Variants in DENND1A observed in about 807,000 individuals in gnomAD.
DENND1A encodes DENN domain-containing protein 1A.
DENND1A carries 51 observed loss-of-function variants against 113.7 expected under a neutral mutation model. That is an observed-to-expected ratio of 0.45 (90% CI 0.36 to 0.57). The LOEUF is 0.57. Ranked by LOEUF, DENND1A falls within the 20% of genes least tolerant of loss-of-function variation. The pLI is 0.00. For missense variants in DENND1A, 1,258 were observed against 1,395.9 expected (o/e 0.90, Z 1.57); for synonymous variants, 565 against 570.8 (o/e 0.99, Z 0.14).
At chr9:123,749,138 G>C (rs1260001648) in intron 5 of DENND1A, among the ~76,000 whole-genome samples, 1 of 152,146 alleles carries the variant, frequency 6.6e-6, no homozygotes, top group Non-Finnish European at 1.5e-5. Context: ...CAAAACCCTG[G>C]GTTGGAGGTC....
At chr9:123,584,738 C>T (rs2059080404) in intron 11 of DENND1A, among the ~76,000 whole-genome samples, 1 of 152,164 alleles carries the variant, frequency 6.6e-6, no homozygotes, top group African/African-American at 2.4e-5. Flanking sequence ...GGCCTGGCTG[C>T]CTCCCCAGGC....
chr9:123,734,132 G>A (rs1002720010), intron 5 of DENND1A, among the ~76,000 whole-genome samples: 4 of 152,058 alleles, frequency 2.6e-5, no homozygotes, highest in Admixed American at 2.0e-4. Context: ...CCAAGCCCAG[G>A]TAACATTTTT....
intron 19 of DENND1A, among the ~76,000 whole-genome samples, chr9:123,435,925 A>C (rs997002496): frequency 1.3e-4 from 20 of 152,252 alleles, no homozygotes; most frequent in Admixed American, 1.2e-3. Context: ...GTCTCAAGTC[A>C]GTGCTCACGG....
chr9:123,452,722 A>G (rs990974343), intron 16 of DENND1A, among the ~76,000 whole-genome samples: 1 of 152,100 alleles, frequency 6.6e-6, no homozygotes, highest in Non-Finnish European at 1.5e-5. Context: ...CACGGATGAC[A>G]CTCAGGTAAG....
intron 10 of DENND1A, among the ~76,000 whole-genome samples, chr9:123,613,134 C>T (rs1397500358): frequency 2.6e-5 from 4 of 152,124 alleles, no homozygotes; most frequent in Non-Finnish European, 5.9e-5. Flanking sequence ...TCTTGTCTCC[C>T]GGATACTCCA....
chr9:123,864,564 G>A (rs973077020), intron 2 of DENND1A, among the ~76,000 whole-genome samples: 6 of 152,166 alleles, frequency 3.9e-5, no homozygotes, highest in African/African-American at 1.2e-4. Context: ...CCAGGGAGAC[G>A]AATGTGAGAG....
intron 13 of DENND1A, among the ~76,000 whole-genome samples, chr9:123,481,178 AT>A (rs1405801156): frequency 2.6e-5 from 4 of 152,244 alleles, no homozygotes; most frequent in Non-Finnish European, 5.9e-5. Context: ...ATTGGAGGGA[AT>A]TCAGGGAAGA....
chr9:123,864,021 G>A (rs1282152713), intron 2 of DENND1A, among the ~76,000 whole-genome samples: 2 of 149,306 alleles, frequency 1.3e-5, no homozygotes, highest in East Asian at 1.9e-4. Flanking sequence ...AATCATTATC[G>A]AGAGTTTCAA....
intron 16 of DENND1A, among the ~76,000 whole-genome samples, chr9:123,453,639 G>T (rs1052582861): frequency 1.1e-4 from 16 of 152,192 alleles, no homozygotes; most frequent in Admixed American, 1.0e-3. Context: ...GATTCGTATG[G>T]AGAGAGGCTG....
At chr9:123,799,505 C>T (rs2132191711) in intron 2 of DENND1A, among the ~76,000 whole-genome samples, 1 of 152,242 alleles carries the variant, frequency 6.6e-6, no homozygotes, top group East Asian at 1.9e-4. Context: ...AGTTAATCAG[C>T]ACAGGGGCAT....
chr9:123,566,669 G>A (rs1346430287), intron 12 of DENND1A, among the ~76,000 whole-genome samples: 1 of 151,994 alleles, frequency 6.6e-6, no homozygotes, highest in African/African-American at 2.4e-5. Context: ...AACCAAAAAA[G>A]GCCTGTTTCC....
intron 3 of DENND1A, among the ~76,000 whole-genome samples, chr9:123,782,980 TAGTC>T (rs1831554509): frequency 6.6e-6 from 1 of 151,912 alleles, no homozygotes; most frequent in Non-Finnish European, 1.5e-5. Context: ...AAAATTATAA[TAGTC>T]AGAGGAATCT....
chr9:123,561,862 C>T (rs1378779244), intron 12 of DENND1A, among the ~76,000 whole-genome samples: 1 of 152,134 alleles, frequency 6.6e-6, no homozygotes, highest in Non-Finnish European at 1.5e-5. Context: ...TTCCCTACTT[C>T]TCCCTCCTTC....
At chr9:123,675,385 C>T (rs942112704) in intron 6 of DENND1A, among the ~76,000 whole-genome samples, 2 of 152,112 alleles carry the variant, frequency 1.3e-5, no homozygotes, top group Non-Finnish European at 2.9e-5. Flanking sequence ...TGCAAGACTT[C>T]GTAGAGCTTA....
intron 13 of DENND1A, among the ~76,000 whole-genome samples, chr9:123,529,982 C>T (rs1195058703): frequency 1.3e-5 from 2 of 152,150 alleles, no homozygotes; most frequent in East Asian, 1.9e-4. Flanking sequence ...AATTAGGACA[C>T]TATCACCTAT....
intron 5 of DENND1A, 33 bp downstream of exon 5, chr9:123,757,670 G>A (rs1336035425): frequency 6.2e-7 from 1 of 1,606,024 alleles, no homozygotes; most frequent in Non-Finnish European, 8.5e-7. Flanking sequence ...TTGCTTCAGA[G>A]AACAAGCCAA....
At chr9:123,918,038 C>T (rs1192590416) in intron 1 of DENND1A, among the ~76,000 whole-genome samples, 4 of 150,612 alleles carry the variant, frequency 2.7e-5, no homozygotes, top group African/African-American at 7.3e-5. Flanking sequence ...AGCGTGAGCC[C>T]GGAAGGCAGA....
At chr9:123,429,010 T>A (rs146905690) in intron 19 of DENND1A, among the ~76,000 whole-genome samples, 18 of 152,282 alleles carry the variant, frequency 1.2e-4, no homozygotes, top group African/African-American at 3.4e-4. Flanking sequence ...AAACTACCAT[T>A]GACATTCTTC....
intron 13 of DENND1A, chr9:123,485,639 C>CGCGT (rs1459298643): frequency 8.9e-5 from 2 of 22,454 alleles, no homozygotes; most frequent in Non-Finnish European, 1.1e-4. Flanking sequence ...TGTGCGCGTA[C>CGCGT]ACACACGCGC....
Sources: gnomAD v4.1 joint callset for allele counts (sites outside exome capture counted in the v4.1 genomes callset) on GRCh38, gnomAD v4.1.1 for gene constraint, MANE v1.5 for transcripts, NCBI Gene and HGNC (gene_info 2026-07-23, HGNC 2026-07-21) for gene names.